Variants in ARPC1A observed in about 807,000 individuals in gnomAD.
The protein encoded by ARPC1A is actin-related protein 2/3 complex subunit 1A.
Under a neutral mutation model 46.9 loss-of-function variants are expected in ARPC1A, and 8 were observed. That is an observed-to-expected ratio of 0.17 (90% confidence interval 0.10 to 0.31). The LOEUF is 0.31. Among genes scored for constraint, ARPC1A ranks in the 10% least tolerant of loss-of-function variants. The pLI is 1.00. For missense variants in ARPC1A, 286 were observed against 483.6 expected, an observed-to-expected ratio of 0.59 and a Z score of 3.83; for synonymous variants, 152 against 169.0, an observed-to-expected ratio of 0.90 and a Z score of 0.78.
intron 5 of ARPC1A, among the ~76,000 whole-genome samples, chr7:99,352,539 C>A (rs1196512205): frequency 1.3e-5 from 2 of 151,494 alleles, no homozygotes; most frequent in African/African-American, 2.4e-5. Flanking sequence ...ACTTGTAGTC[C>A]CAGCTACTCG....
intron 6 of ARPC1A, among the ~76,000 whole-genome samples, chr7:99,354,437 C>T (rs1793597994): frequency 6.8e-6 from 1 of 146,484 alleles, no homozygotes; most frequent in African/African-American, 2.5e-5. Flanking sequence ...CAGAGAATTG[C>T]TTGAACCTGG....
Position 99,358,406 on chromosome 7 carries a change from C to T in ARPC1A, c.780C>T (p.Val260=), listed in dbSNP as rs754112413. ...TGTCATTTGTCTCAGAGAACAGCGTCGTGGCTGCTGTGAGTATTTTTCTTC... is the reference window on the plus strand; with the variant it reads ...TGTCATTTGTCTCAGAGAACAGCGTTGTGGCTGCTGTGAGTATTTTTCTTC... ...LSVSFVSENS[V]VAAGHDCCPM... The change falls in exon 7 of 10, where the codon GTC becomes GTT. Residue 260 remains valine, a synonymous_variant. Coordinates refer to ENST00000262942, the MANE Select transcript of ARPC1A (RefSeq NM_006409.4). 1.9e-5 allele frequency: 31 copies of T among 1,614,080 alleles called. 1 individual carries two copies. The highest frequency in any genetic ancestry group is 2.7e-5 in the African/African-American group (2 of 75,044).
intron 5 of ARPC1A, 80 bp downstream of exon 5, chr7:99,349,039 G>GT: frequency 1.0e-5 from 14 of 1,401,548 alleles, no homozygotes; most frequent in Admixed American, 1.9e-5. Context: ...CTCTTTCTTT[G>GT]TTTTTTGTTT....
intron 4 of ARPC1A, among the ~76,000 whole-genome samples, chr7:99,347,668 C>T (rs1451649864): frequency 6.6e-6 from 1 of 151,952 alleles, no homozygotes; most frequent in Non-Finnish European, 1.5e-5. Context: ...TGCGCCACTG[C>T]ACTCCAGCCT....
chr7:99,359,025 G>A (rs1425435290), intron 7 of ARPC1A, among the ~76,000 whole-genome samples: 4 of 149,798 alleles, frequency 2.7e-5, no homozygotes, highest in African/African-American at 4.9e-5. Context: ...TAGAGATGGG[G>A]TTTCACCATG....
At chr7:99,351,796 G>A (rs1478108614) in intron 5 of ARPC1A, among the ~76,000 whole-genome samples, 1 of 152,160 alleles carries the variant, frequency 6.6e-6, no homozygotes, top group Non-Finnish European at 1.5e-5. Flanking sequence ...TTGGAGAGAA[G>A]AAGGTGTACA....
intron 3 of ARPC1A, among the ~76,000 whole-genome samples, chr7:99,342,883 C>T (rs939048131): frequency 1.3e-5 from 2 of 151,696 alleles, no homozygotes; most frequent in Non-Finnish European, 2.9e-5. Context: ...TCACCACGCC[C>T]GGCTAATTTT....
chr7:99,365,808 C>T (rs897046212), intron 9 of ARPC1A, 83 bp from the exon 10 acceptor site: 1 of 1,429,816 alleles, frequency 7.0e-7, no homozygotes, highest in African/African-American at 1.4e-5. Flanking sequence ...CAGAACCTTC[C>T]CTGAGGAAGA....
intron 9 of ARPC1A, among the ~76,000 whole-genome samples, chr7:99,364,012 C>T (rs955971411): frequency 2.0e-5 from 3 of 151,990 alleles, no homozygotes; most frequent in South Asian, 2.1e-4. Flanking sequence ...TGCAGTGCAG[C>T]GGTGCAATAT....
At chr7:99,330,465 C>T (rs899765264) in intron 1 of ARPC1A, among the ~76,000 whole-genome samples, 27 of 152,292 alleles carry the variant, frequency 1.8e-4, no homozygotes, top group Admixed American at 1.8e-3. Flanking sequence ...CAGGTGCCTG[C>T]CACCATGCCC....
intron 3 of ARPC1A, 40 bp from the exon 4 acceptor site, chr7:99,344,253 A>G: frequency 3.1e-6 from 5 of 1,602,954 alleles, no homozygotes; most frequent in Non-Finnish European, 4.3e-6. Flanking sequence ...GTTGTTTGTC[A>G]TTGACTGGGC....
intron 2 of ARPC1A, 36 bp downstream of exon 2, chr7:99,333,453 T>A (rs1190201041): frequency 6.4e-7 from 1 of 1,570,324 alleles, no homozygotes; most frequent in Non-Finnish European, 8.7e-7. Flanking sequence ...TGTATTTTGG[T>A]ACCTTTGGTA....
intron 2 of ARPC1A, among the ~76,000 whole-genome samples, chr7:99,336,074 A>G (rs1224780736): frequency 1.3e-5 from 2 of 152,180 alleles, no homozygotes; most frequent in Non-Finnish European, 2.9e-5. Context: ...CAACTTTCCT[A>G]TATCTTCTGT....
At chr7:99,331,398 C>G (rs939678414) in intron 1 of ARPC1A, among the ~76,000 whole-genome samples, 7 of 151,992 alleles carry the variant, frequency 4.6e-5, no homozygotes, top group Non-Finnish European at 8.8e-5. Context: ...CCTATCTCCC[C>G]TGCCCCCCAC....
chr7:99,363,966 T>C (rs560111293), intron 9 of ARPC1A, among the ~76,000 whole-genome samples: 11 of 152,342 alleles, frequency 7.2e-5, no homozygotes, highest in African/African-American at 2.4e-4. Flanking sequence ...TTTTTTTCTT[T>C]CTTTTTGAGA....
chr7:99,341,328 C>T (rs1032443397), intron 3 of ARPC1A, among the ~76,000 whole-genome samples: 2 of 151,590 alleles, frequency 1.3e-5, no homozygotes, highest in Non-Finnish European at 2.9e-5. Context: ...AAAAATTAGG[C>T]TGGGTGCAGT....
At chr7:99,358,728 C>CG (rs1416106993) in intron 7 of ARPC1A, 1 of 263,542 alleles carries the variant, frequency 3.8e-6, no homozygotes, top group Non-Finnish European at 7.4e-6. Context: ...TTAGAAGAGA[C>CG]GGGGTTTCTC....
chr7:99,328,809 G>A (rs1793095798), intron 1 of ARPC1A, among the ~76,000 whole-genome samples: 1 of 152,026 alleles, frequency 6.6e-6, no homozygotes, highest in Non-Finnish European at 1.5e-5. Flanking sequence ...AAATTAGCAG[G>A]GCATAGTGAT....
Position 99,363,642 on chromosome 7 carries a change from T to C in ARPC1A, c.1074+9T>C, listed in dbSNP as rs1419500118. ...CAATTTGGGATTTCAAGGTATTTTC[T>C]ACCTAACAGAACAAATTTTGTTTGT... On this transcript the variant is annotated intron_variant, in intron 9 of 9. Coordinates refer to ENST00000262942, the MANE Select transcript of ARPC1A (RefSeq NM_006409.4). 1.3e-6 allele frequency: 2 copies of C among 1,587,658 alleles called. No homozygotes were observed. Among genetic ancestry groups the C allele is most frequent in the Non-Finnish European group, 1.7e-6 (2 of 1,170,142 alleles).
Sources: gnomAD v4.1 joint callset for allele counts (sites outside exome capture counted in the v4.1 genomes callset) on GRCh38, gnomAD v4.1.1 for gene constraint, MANE v1.5 for transcripts, NCBI Gene and HGNC (gene_info 2026-07-23, HGNC 2026-07-21) for gene names.